ADAM32: variants seen among roughly 807,000 people sequenced by gnomAD.
ADAM32 encodes the protein ADAM metallopeptidase domain 32, also known as disintegrin and metalloproteinase domain-containing protein 32.
ADAM32 carries 89 observed loss-of-function variants against 114.9 expected under a neutral mutation model. The observed-to-expected ratio is 0.77, with a 90% CI of 0.65 to 0.92. The LOEUF (loss-of-function observed/expected upper bound fraction) is 0.92, where lower values mean the gene tolerates loss of function less well. Ranked by LOEUF, ADAM32 falls within the 40% of genes least tolerant of loss-of-function variation. The pLI, the probability that ADAM32 is intolerant of heterozygous loss-of-function variation, is 0.00. For missense variants in ADAM32, 870 were observed against 932.8 expected (o/e 0.93, Z 0.88); for synonymous variants, 285 against 307.5 (o/e 0.93, Z 0.77).
At chr8:39,188,564 G>A (rs1301945395) in intron 11 of ADAM32, among the ~76,000 whole-genome samples, 1 of 152,084 alleles carries the variant, frequency 6.6e-6, no homozygotes, top group Admixed American at 6.5e-5. Flanking sequence ...TACTTACTAT[G>A]TTCTAGAGAC....
Position 39,275,861 on chromosome 8 carries a change from T to A in ADAM32, c.2274T>A (p.Thr758=). The change falls in exon 22 of 25, where the codon ACT becomes ACA. Residue 758 remains threonine, a synonymous_variant. Transcript: ENST00000379907. The part of the protein sequence containing the change: ...TRSESSSQAD[T]SKSKSEDSAE... ...CAGAAAGCAGCAGTCAAGCTGATAC[T>A]AGCAAGTAAGTGAATTAGGGGGCAT... 6.4e-7 allele frequency: 1 copy of A among 1,559,600 alleles called. No individual in the cohort carries two copies.
At chr8:39,273,303 C>T (rs754981384) in intron 20 of ADAM32, among the ~76,000 whole-genome samples, 57 of 151,694 alleles carry the variant, frequency 3.8e-4, no homozygotes, top group Non-Finnish European at 6.5e-4. Flanking sequence ...GTCAGGAGTT[C>T]GAAACTAGCC....
rs78584043 is a variant in ADAM32, at chr8:39,276,777, C to G, written c.2279+911C>G. Among the ~76,000 whole-genome samples, 683 of 152,066 alleles carry G rather than the reference C, an allele frequency of 4.5e-3. 7 individuals carry two copies. Among genetic ancestry groups the G allele is most frequent in the African/African-American group, 0.015 (630 of 41,476 alleles). ...AAAATTTTGATTTTTATTATCATGTCTGTTCTTATTATTGTGAGCAAGGGA... is the reference window on the plus strand; with the variant it reads ...AAAATTTTGATTTTTATTATCATGTGTGTTCTTATTATTGTGAGCAAGGGA... On this transcript the variant is annotated intron_variant, in intron 22 of 24. Transcript: ENST00000379907.
intron 4 of ADAM32, 24 bp downstream of exon 4, chr8:39,147,229 A>G (rs1431945836): frequency 3.0e-5 from 29 of 967,442 alleles, no homozygotes; most frequent in Non-Finnish European, 3.8e-5. Context: ...TCTGTGTTTT[A>G]TAGTTTTTTT....
intron 10 of ADAM32, among the ~76,000 whole-genome samples, chr8:39,180,214 G>A (rs1359816816): frequency 6.6e-6 from 1 of 152,214 alleles, no homozygotes; most frequent in Non-Finnish European, 1.5e-5. Flanking sequence ...TCGGAGCAGC[G>A]GGCCGGCCCT....
At position 39,165,075 on chromosome 8, in the gene ADAM32, T is replaced by C. The variant is rs748728799; in HGVS notation, c.712T>C (p.Leu238=). The C allele has an allele frequency of 3.7e-6, 6 of 1,609,616 alleles. No homozygotes were observed. In the Admixed American group the frequency reaches 5.1e-5, roughly 14 times the overall value. Residue 238 remains leucine (L), a synonymous_variant, in exon 9 of 25, where the codon TTA becomes CTA. Coordinates refer to ENST00000379907, the MANE Select transcript of ADAM32 (RefSeq NM_145004.7). The part of the protein sequence containing the change: ...KVTIVLSSLE[L]WSDENKISTV... The stretch of plus-strand genomic sequence containing the variant: ...TACTATTGTGCTGTCATCATTGGAG[T>C]TATGGTCAGATGAAAATAAGATTTC...
intron 1 of ADAM32, among the ~76,000 whole-genome samples, chr8:39,108,771 C>T (rs1460847977): frequency 6.6e-6 from 1 of 152,208 alleles, no homozygotes; most frequent in Admixed American, 6.5e-5. Flanking sequence ...ATTACCTCTG[C>T]AGCATAGCAG....
intron 10 of ADAM32, among the ~76,000 whole-genome samples, chr8:39,177,022 T>G (rs1322600713): frequency 6.6e-6 from 1 of 152,116 alleles, no homozygotes; most frequent in Non-Finnish European, 1.5e-5. Context: ...AACTTTTTTC[T>G]GTTTTTCATT....
At chr8:39,274,191 T>G (rs1812928136) in intron 20 of ADAM32, 121 bp from the exon 21 acceptor site, 1 of 920,492 alleles carries the variant, frequency 1.1e-6, no homozygotes, top group African/African-American at 1.7e-5. Context: ...CATCATTTTA[T>G]TTATTAGTAA....
At chr8:39,155,896 A>T (rs956811665) in intron 6 of ADAM32, among the ~76,000 whole-genome samples, 15 of 152,128 alleles carry the variant, frequency 9.9e-5, no homozygotes, top group African/African-American at 3.6e-4. Context: ...TCTTAAATTT[A>T]TAACAATCAT....
intron 18 of ADAM32, among the ~76,000 whole-genome samples, chr8:39,255,238 A>C (rs1357161711): frequency 6.6e-6 from 1 of 151,956 alleles, no homozygotes; most frequent in Non-Finnish European, 1.5e-5. Context: ...CTCTGGGTAG[A>C]TTTCCAATAG....
rs1809364257 is a variant in ADAM32, at chr8:39,226,301, G to C, written c.1525+3063G>C. Among the ~76,000 whole-genome samples the C allele has an allele frequency of 5.3e-5, 8 of 152,064 alleles. No individual in the cohort carries two copies. In the South Asian group the frequency reaches 1.7e-3, roughly 32 times the overall value. The stretch of plus-strand genomic sequence containing the variant: ...TTATAAGAGGTAAAAAAGGAGAAGA[G>C]AGACAAGGACAGAAAGCTTATTTAA... On this transcript the variant is annotated intron_variant, in intron 14 of 24. Coordinates refer to ENST00000379907, the MANE Select transcript of ADAM32 (RefSeq NM_145004.7).
intron 7 of ADAM32, among the ~76,000 whole-genome samples, chr8:39,162,807 C>A (rs1355799055): frequency 6.6e-6 from 1 of 152,060 alleles, no homozygotes; most frequent in Non-Finnish European, 1.5e-5. Context: ...TCCAGACCAG[C>A]CTGGCCAACA....
At chr8:39,234,582 AGG>A (rs1809977321) in intron 16 of ADAM32, among the ~76,000 whole-genome samples, 2 of 152,106 alleles carry the variant, frequency 1.3e-5, no homozygotes, top group Admixed American at 1.3e-4. Flanking sequence ...TTTACTCTAC[AGG>A]GTATTGTGAA....
chr8:39,200,431 G>A (rs1323574524), intron 11 of ADAM32, among the ~76,000 whole-genome samples: 1 of 144,048 alleles, frequency 6.9e-6, no homozygotes, highest in African/African-American at 2.6e-5. Context: ...CTTTTAAGAA[G>A]TGTCTGTTCA....
intron 1 of ADAM32, 37 bp from the exon 2 acceptor site, chr8:39,118,049 C>T (rs929078448): frequency 9.4e-6 from 12 of 1,277,692 alleles, no homozygotes; most frequent in South Asian, 1.5e-5. Flanking sequence ...CAAATTAAGG[C>T]AAGGTTACTA....
chr8:39,256,875 C>G (rs1269953970), intron 18 of ADAM32, among the ~76,000 whole-genome samples: 3 of 151,970 alleles, frequency 2.0e-5, no homozygotes, highest in Non-Finnish European at 4.4e-5. Flanking sequence ...GATAACCATG[C>G]AATTACACAA....
chr8:39,243,959 C>T (rs569711862), intron 16 of ADAM32, among the ~76,000 whole-genome samples: 3 of 152,062 alleles, frequency 2.0e-5, no homozygotes, highest in Non-Finnish European at 2.9e-5. Flanking sequence ...AAGTAATGTA[C>T]ACAAATCAGT....
At chr8:39,125,817 C>T (rs1163590363) in intron 2 of ADAM32, among the ~76,000 whole-genome samples, 1 of 152,098 alleles carries the variant, frequency 6.6e-6, no homozygotes, top group African/African-American at 2.4e-5. Context: ...AGTCTTTAAT[C>T]CATCTTGAAT....
Sources: allele counts gnomAD v4.1 joint callset (sites outside exome capture counted in the v4.1 genomes callset), GRCh38; gene constraint gnomAD v4.1.1; transcripts MANE v1.5; gene names NCBI Gene and HGNC (gene_info 2026-07-23, HGNC 2026-07-21).